The following PCMTD1 variants were observed in gnomAD, a reference collection of about 807,000 sequenced individuals.
PCMTD1 encodes protein-L-isoaspartate O-methyltransferase domain-containing protein 1.
Under a neutral mutation model 37.6 loss-of-function variants are expected in PCMTD1, and 12 were observed. That is an observed-to-expected ratio of 0.32 (90% CI 0.20 to 0.52). The LOEUF is 0.52. PCMTD1 is among the 20% of genes least tolerant of loss of function. The pLI, the probability that PCMTD1 is intolerant of heterozygous loss-of-function variation, is 0.97. For missense variants in PCMTD1, 235 were observed against 421.3 expected, an observed-to-expected ratio of 0.56 and a Z score of 3.87; for synonymous variants, 117 against 135.8, an observed-to-expected ratio of 0.86 and a Z score of 0.96.
intron 1 of PCMTD1, among the ~76,000 whole-genome samples, chr8:51,867,905 T>C (rs1375998170): frequency 6.6e-6 from 1 of 152,130 alleles, no homozygotes; most frequent in African/African-American, 2.4e-5. Flanking sequence ...CTTTACAGAA[T>C]GGTGACTATA....
At chr8:51,844,223 A>C (rs969373712) in intron 3 of PCMTD1, among the ~76,000 whole-genome samples, 7 of 152,196 alleles carry the variant, frequency 4.6e-5, no homozygotes, top group African/African-American at 1.7e-4. Flanking sequence ...ATTTCTGCCA[A>C]ACGTGCTTTT....
At chr8:51,848,676 T>C (rs1325052398) in intron 2 of PCMTD1, among the ~76,000 whole-genome samples, 1 of 152,222 alleles carries the variant, frequency 6.6e-6, no homozygotes, top group African/African-American at 2.4e-5. Context: ...TTGTTTTTCA[T>C]ACTACCTTGA....
intron 2 of PCMTD1, among the ~76,000 whole-genome samples, chr8:51,854,234 T>G (rs1404175764): frequency 1.3e-5 from 2 of 152,220 alleles, no homozygotes; most frequent in Non-Finnish European, 2.9e-5. Flanking sequence ...TTTATTATTT[T>G]ATTTACTATT....
intron 1 of PCMTD1, among the ~76,000 whole-genome samples, chr8:51,881,761 A>G (rs1585850870): frequency 6.6e-6 from 1 of 152,194 alleles, no homozygotes; most frequent in Non-Finnish European, 1.5e-5. Flanking sequence ...ACCTCGGTGT[A>G]AGTCAAAAGC....
intron 2 of PCMTD1, among the ~76,000 whole-genome samples, chr8:51,854,335 A>G (rs775881476): frequency 8.6e-5 from 13 of 151,902 alleles, no homozygotes; most frequent in Non-Finnish European, 1.5e-4. Flanking sequence ...GGTGGTTGTC[A>G]GTAACGACTT....
chr8:51,880,750 A>G (rs2038779475), intron 1 of PCMTD1, among the ~76,000 whole-genome samples: 2 of 152,220 alleles, frequency 1.3e-5, no homozygotes, highest in South Asian at 4.1e-4. Context: ...AAGGATCAGC[A>G]AACTTTTTCT....
At position 51,898,932 on chromosome 8, in the gene PCMTD1, G is replaced by A; in HGVS notation, c.-98C>T. On this transcript the variant is annotated splice_region_variant and 5_prime_UTR_variant, in exon 1 of 6. Coordinates refer to ENST00000522514, the MANE Select transcript of PCMTD1 (RefSeq NM_052937.4). ...GCCCCCACTGGCGGCGGCGTTACCT[G>A]TGGCGCGGGCAGCGGCGCGCAGGCC... 1 of 1,381,018 alleles carries A rather than the reference G, an allele frequency of 7.2e-7. No individual in the cohort carries two copies. Among genetic ancestry groups the A allele is most frequent in the Non-Finnish European group, 9.4e-7 (1 of 1,068,560 alleles). The allele number at this position is 1,381,018 out of a possible 1,614,324, so 85.5% of individuals were successfully genotyped here.
chr8:51,822,753 C>T (rs1041336478), intron 5 of PCMTD1, among the ~76,000 whole-genome samples: 20 of 152,020 alleles, frequency 1.3e-4, no homozygotes, highest in African/African-American at 4.6e-4. Context: ...ATCAGCCCAT[C>T]GTGACATGCA....
intron 2 of PCMTD1, among the ~76,000 whole-genome samples, chr8:51,858,892 C>A (rs1475126471): frequency 1.3e-5 from 2 of 152,124 alleles, no homozygotes; most frequent in South Asian, 2.1e-4. Flanking sequence ...TCTCTTTCCC[C>A]ACATTGCCCA....
chr8:51,842,131 C>T (rs1157210987), intron 3 of PCMTD1, among the ~76,000 whole-genome samples: 1 of 152,098 alleles, frequency 6.6e-6, no homozygotes, highest in East Asian at 1.9e-4. Flanking sequence ...TATGTATCAA[C>T]GGAATACATC....
intron 2 of PCMTD1, chr8:51,848,801 C>T (rs1355676989): frequency 6.6e-6 from 1 of 151,992 alleles, no homozygotes; most frequent in Non-Finnish European, 1.5e-5. Context: ...ATTGTAAACA[C>T]CATTTATGAT....
intron 5 of PCMTD1, chr8:51,827,244 TAA>T: frequency 8.7e-7 from 1 of 1,150,242 alleles, no homozygotes; most frequent in Non-Finnish European, 1.1e-6. Flanking sequence ...CTTATTTTTA[TAA>T]GTTACTGTTG....
chr8:51,887,745 C>T (rs369806138), intron 1 of PCMTD1, among the ~76,000 whole-genome samples: 26 of 136,280 alleles, frequency 1.9e-4, no homozygotes, highest in Admixed American at 3.7e-4. Context: ...TTCATAATTT[C>T]TTTTTTTTTT....
At chr8:51,837,397 T>A (rs994442243) in intron 3 of PCMTD1, among the ~76,000 whole-genome samples, 7 of 152,040 alleles carry the variant, frequency 4.6e-5, no homozygotes, top group Non-Finnish European at 1.5e-5. Flanking sequence ...AATTTAAAAA[T>A]AAAAATGGAA....
chr8:51,880,629 TTA>T (rs1380030336), intron 1 of PCMTD1, among the ~76,000 whole-genome samples: 1 of 152,190 alleles, frequency 6.6e-6, no homozygotes, highest in East Asian at 1.9e-4. Context: ...AACTGAGGAC[TTA>T]TATCACCCAA....
chr8:51,854,957 C>T (rs2038361741), intron 2 of PCMTD1, among the ~76,000 whole-genome samples: 1 of 150,234 alleles, frequency 6.7e-6, no homozygotes, highest in Admixed American at 6.6e-5. Context: ...GGTGGATCAC[C>T]CGAAGTCGGG....
At chr8:51,820,739 C>T (rs760922708) in intron 5 of PCMTD1, 21 bp from the exon 6 acceptor site, 2 of 1,557,330 alleles carry the variant, frequency 1.3e-6, no homozygotes, top group South Asian at 2.4e-5. Context: ...ACATAAAACG[C>T]AAGAAAGAAA....
intron 1 of PCMTD1, among the ~76,000 whole-genome samples, chr8:51,866,324 C>G (rs1018268649): frequency 6.6e-6 from 1 of 151,618 alleles, no homozygotes; most frequent in Non-Finnish European, 1.5e-5. Flanking sequence ...TGTGAGGAAT[C>G]ATACAGGCAA....
At chr8:51,861,318 T>C in intron 1 of PCMTD1, 72 bp from the exon 2 acceptor site, 1 of 1,086,032 alleles carries the variant, frequency 9.2e-7, no homozygotes, top group Non-Finnish European at 1.3e-6. Context: ...TTATTAAATG[T>C]ATGTCATTAT....
Sources: allele counts gnomAD v4.1 joint callset (sites outside exome capture counted in the v4.1 genomes callset), GRCh38; gene constraint gnomAD v4.1.1; transcripts MANE v1.5; gene names NCBI Gene and HGNC (gene_info 2026-07-23, HGNC 2026-07-21).